Variants in SVOP observed in about 807,000 individuals in gnomAD.
SVOP encodes the protein SV2 related protein.
Under a neutral mutation model 69.1 loss-of-function variants are expected in SVOP, and 17 were observed. The observed-to-expected ratio is 0.25, with a 90% CI of 0.17 to 0.37. The LOEUF (loss-of-function observed/expected upper bound fraction) is 0.37. SVOP is among the 10% of genes least tolerant of loss of function. The probability of loss-of-function intolerance (pLI) is 1.00; values close to 1 mark genes in which losing one functional copy is unlikely to be tolerated. For missense variants in SVOP, 435 were observed against 597.5 expected (o/e 0.73, Z 2.84); for synonymous variants, 238 against 238.6 (o/e 1.00, Z 0.02).
chr12:108,921,228 C>T (rs562827213), intron 12 of SVOP, among the ~76,000 whole-genome samples: 14 of 152,216 alleles, frequency 9.2e-5, no homozygotes, highest in Admixed American at 8.5e-4. Context: ...TTCATTCTTA[C>T]CTACTAAGCT....
chr12:108,914,370 A>G (rs748585168), intron 15 of SVOP, among the ~76,000 whole-genome samples: 110 of 152,232 alleles, frequency 7.2e-4, no homozygotes, highest in Non-Finnish European at 5.1e-4. Context: ...GTTTACCTCA[A>G]TAAAAAAGTG....
At chr12:108,972,376 A>G (rs372904394) in intron 5 of SVOP, 29 bp downstream of exon 5, 157 of 1,535,672 alleles carry the variant, frequency 1.0e-4, no homozygotes, top group Non-Finnish European at 1.2e-4. Flanking sequence ...CCCAGAGGAC[A>G]TGCGTTTAGA....
At chr12:109,018,298 T>A (rs1287420441) in intron 1 of SVOP, among the ~76,000 whole-genome samples, 1 of 152,156 alleles carries the variant, frequency 6.6e-6, no homozygotes, top group Non-Finnish European at 1.5e-5. Context: ...GTGGACAGCA[T>A]GTGAAAAACA....
chr12:108,945,120 A>T lies in SVOP; in HGVS notation c.625T>A (p.Cys209Ser). The T allele has an allele frequency of 6.5e-7, 1 of 1,537,056 alleles. No individual in the cohort carries two copies. Among genetic ancestry groups the T allele is most frequent in the Non-Finnish European group, 8.7e-7 (1 of 1,146,826 alleles). Residue 209 changes from cysteine to serine, a missense_variant, in exon 7 of 16, where the codon TGT becomes AGT. Coordinates refer to ENST00000610966, the MANE Select transcript of SVOP (RefSeq NM_018711.5). ...EFLPMKARAK[C>S]ILLIEVFWAI... is the part of the protein sequence containing the mutation. ...CTCCTTACCTCAATCAGCAAAATAC[A>T]TTTAGCTCTGGCTTTCATGGGAAGG...
At chr12:108,926,839 A>G (rs1444476553) in intron 11 of SVOP, among the ~76,000 whole-genome samples, 6 of 152,208 alleles carry the variant, frequency 3.9e-5, no homozygotes, top group Admixed American at 3.9e-4. Flanking sequence ...GTTAGTAGAC[A>G]ATTCTCTTTG....
intron 1 of SVOP, among the ~76,000 whole-genome samples, chr12:109,005,020 G>A (rs2040298035): frequency 6.6e-6 from 1 of 152,192 alleles, no homozygotes; most frequent in Non-Finnish European, 1.5e-5. Flanking sequence ...TTACAGGTGT[G>A]AGCCACTGTG....
rs2040014478 is a variant in SVOP, at chr12:108,960,949, G to A, written c.552C>T (p.Gly184=). ...SWILVLRGLV[G]FGIGGVPQSV... ...ACTGGGGAACTCCTCCGATCCCGAA[G>A]CCCACCAGGCCCCGGAGCACCAGGA... is the stretch of plus-strand genomic sequence containing the variant. Residue 184 remains glycine (G), a synonymous_variant, in exon 6 of 16, where the codon GGC becomes GGT. Coordinates refer to ENST00000610966, the MANE Select transcript of SVOP (RefSeq NM_018711.5). The A allele has an allele frequency of 6.5e-7, 1 of 1,537,042 alleles. No individual in the cohort carries two copies.
chr12:108,981,756 C>T (rs2040136222), intron 2 of SVOP, among the ~76,000 whole-genome samples: 1 of 152,162 alleles, frequency 6.6e-6, no homozygotes, highest in Admixed American at 6.5e-5. Context: ...AGAGCAGTGC[C>T]TGGCACATAA....
chr12:108,982,518 TCAC>T (rs1431779703), intron 2 of SVOP, among the ~76,000 whole-genome samples: 2 of 150,444 alleles, frequency 1.3e-5, no homozygotes, highest in Non-Finnish European at 3.0e-5. Flanking sequence ...ATCACCATCA[TCAC>T]CACCACCACC....
chr12:108,942,077 A>G (rs2039894743), intron 7 of SVOP, among the ~76,000 whole-genome samples: 1 of 152,232 alleles, frequency 6.6e-6, no homozygotes, highest in Non-Finnish European at 1.5e-5. Context: ...GGTACCTCAT[A>G]TAAGTGGAAT....
intron 8 of SVOP, among the ~76,000 whole-genome samples, 193 bp downstream of exon 8, chr12:108,940,591 G>A (rs2039884712): frequency 6.6e-6 from 1 of 152,128 alleles, no homozygotes; most frequent in South Asian, 2.1e-4. Context: ...TCCCAGAAGT[G>A]TCTGTCTGGA....
intron 1 of SVOP, among the ~76,000 whole-genome samples, chr12:109,019,518 T>G (rs2135637968): frequency 6.6e-6 from 1 of 152,258 alleles, no homozygotes; most frequent in African/African-American, 2.4e-5. Context: ...TTATTGGGGG[T>G]AATCATTTTA....
At chr12:108,958,798 C>T (rs1393197970) in intron 6 of SVOP, among the ~76,000 whole-genome samples, 2 of 152,110 alleles carry the variant, frequency 1.3e-5, no homozygotes, top group Non-Finnish European at 2.9e-5. Context: ...AGCCCACATC[C>T]GATGCCTGGT....
In SVOP at chr12:109,020,890, G is replaced by GC; in HGVS notation, c.-23dup. On this transcript the variant is annotated 5_prime_UTR_variant, in exon 1 of 16. Coordinates refer to ENST00000610966, the MANE Select transcript of SVOP (RefSeq NM_018711.5). The stretch of plus-strand genomic sequence containing the variant: ...CCATGTCCGCGCTGCGCCAGGATGA[G>GC]CCCTTCTCATGGCCCTTACATGGTA... The GC allele has an allele frequency of 1.4e-6, 1 of 717,810 alleles. No individual in the cohort carries two copies. The highest frequency in any genetic ancestry group is 2.6e-6 in the Non-Finnish European group (1 of 384,842). 44.5% of individuals were successfully genotyped at this position (717,810 alleles called of 1,614,324 possible). A position where few individuals can be genotyped will look rare whatever the true frequency, so the allele number is the denominator to read the frequency against.
At chr12:109,010,102 C>T (rs1168440332) in intron 1 of SVOP, among the ~76,000 whole-genome samples, 1 of 136,758 alleles carries the variant, frequency 7.3e-6, no homozygotes, top group South Asian at 2.3e-4. Flanking sequence ...CCAGCCTGGG[C>T]AACAGAGAGA....
chr12:108,980,791 G>GGGGGGGGGGGGGA (rs2040131521), intron 2 of SVOP, among the ~76,000 whole-genome samples: 1 of 150,690 alleles, frequency 6.6e-6, no homozygotes. Context: ...CAGGTGTGGT[G>GGGGGGGGGGGGGA]GCGCATGCCT....
intron 1 of SVOP, among the ~76,000 whole-genome samples, chr12:109,011,177 A>G (rs1471633421): frequency 6.6e-6 from 1 of 152,224 alleles, no homozygotes; most frequent in East Asian, 1.9e-4. Flanking sequence ...GGCCCCCACC[A>G]AAGTGCTGGG....
chr12:109,013,837 T>C (rs971214400), intron 1 of SVOP, among the ~76,000 whole-genome samples: 2 of 151,952 alleles, frequency 1.3e-5, no homozygotes, highest in South Asian at 2.1e-4. Context: ...CAACTCCCCA[T>C]TCCCTCTCCC....
chr12:108,925,246 C>T (rs2039773227), intron 11 of SVOP, among the ~76,000 whole-genome samples: 1 of 152,182 alleles, frequency 6.6e-6, no homozygotes, highest in Non-Finnish European at 1.5e-5. Flanking sequence ...CTTGTTTCTC[C>T]TTGCTTGGCA....
Sources: gnomAD v4.1 joint callset for allele counts (sites outside exome capture counted in the v4.1 genomes callset) on GRCh38, gnomAD v4.1.1 for gene constraint, MANE v1.5 for transcripts, NCBI Gene and HGNC (gene_info 2026-07-23, HGNC 2026-07-21) for gene names.